EFR3B: variants seen among roughly 807,000 people sequenced by gnomAD.
EFR3B encodes protein EFR3 homolog B.
Under a neutral mutation model 104.7 loss-of-function variants are expected in EFR3B, and 64 were observed. That is an observed-to-expected ratio of 0.61 (90% CI 0.50 to 0.75). The LOEUF (loss-of-function observed/expected upper bound fraction) is 0.75, where lower values mean the gene tolerates loss of function less well. EFR3B is among the 30% of genes least tolerant of loss of function. EFR3B has a pLI of 0.00. For missense variants in EFR3B, 750 were observed against 1,078.5 expected, an observed-to-expected ratio of 0.70 and a Z score of 4.27; for synonymous variants, 385 against 417.9, an observed-to-expected ratio of 0.92 and a Z score of 0.96.
intron 4 of EFR3B, among the ~76,000 whole-genome samples, chr2:25,109,746 G>T (rs545444173): frequency 6.6e-6 from 1 of 152,278 alleles, no homozygotes; most frequent in African/African-American, 2.4e-5. Flanking sequence ...TGCTGAGTGG[G>T]TATAGGGTTT....
chr2:25,075,017 T>C (rs1177174420), intron 1 of EFR3B, among the ~76,000 whole-genome samples: 1 of 152,156 alleles, frequency 6.6e-6, no homozygotes, highest in Non-Finnish European at 1.5e-5. Flanking sequence ...TCACCCAGCC[T>C]CCCCTAGTGT....
At chr2:25,115,971 G>A (rs1237689765) in intron 4 of EFR3B, 1 of 152,214 alleles carries the variant, frequency 6.6e-6, no homozygotes, top group Non-Finnish European at 1.5e-5. Context: ...ACAGAACAAG[G>A]CATGCATTAA....
chr2:25,145,117 C>A, intron 19 of EFR3B, 66 bp downstream of exon 19: 1 of 1,412,890 alleles, frequency 7.1e-7, no homozygotes, highest in South Asian at 1.2e-5. Context: ...GGACTCCAGG[C>A]TCCCCTGCCT....
intron 1 of EFR3B, chr2:25,081,238 T>G (rs1668794351): frequency 9.9e-7 from 1 of 1,014,804 alleles, no homozygotes; most frequent in African/African-American, 1.6e-5. Context: ...GAGAAAACTA[T>G]CTTCACTCCT....
chr2:25,115,253 A>C (rs1227830725), intron 4 of EFR3B, among the ~76,000 whole-genome samples: 1 of 152,210 alleles, frequency 6.6e-6, no homozygotes, highest in East Asian at 1.9e-4. Context: ...GTAGGATGGC[A>C]GTAGGCTGGA....
chr2:25,133,791 T>G (rs1410262293), intron 12 of EFR3B, among the ~76,000 whole-genome samples: 1 of 152,236 alleles, frequency 6.6e-6, no homozygotes, highest in African/African-American at 2.4e-5. Flanking sequence ...CTGTGTCCCC[T>G]GTTTTGCCAG....
intron 21 of EFR3B, 75 bp from the exon 22 acceptor site, chr2:25,153,637 G>A: frequency 6.8e-7 from 1 of 1,474,906 alleles, no homozygotes; most frequent in Non-Finnish European, 9.3e-7. Context: ...CGTATACTCT[G>A]GACACCCTGA....
chr2:25,138,908 C>T (rs1670589216), intron 15 of EFR3B, 151 bp from the exon 16 acceptor site: 1 of 1,126,148 alleles, frequency 8.9e-7, no homozygotes, highest in Admixed American at 2.7e-5. Flanking sequence ...GACTTTTTTC[C>T]CCCAGGAAGG....
chr2:25,128,547 G>A lies in EFR3B; in HGVS notation c.635+215G>A, dbSNP rs754783039. On this transcript the variant is annotated intron_variant, in intron 6 of 22. Transcript: ENST00000403714. ...AGTGTCCCTTAACATGTGCGTTACC[G>A]AAGGAGGACAGTGTTGGTGCTGGGC... Among the ~76,000 whole-genome samples the A allele has an allele frequency of 9.9e-4, 150 of 152,254 alleles. 3 individuals are homozygous for A. Among genetic ancestry groups the A allele is most frequent in the Non-Finnish European group, 1.9e-3 (131 of 68,020 alleles).
intron 1 of EFR3B, among the ~76,000 whole-genome samples, chr2:25,090,469 C>T (rs193074063): frequency 1.3e-5 from 2 of 152,378 alleles, no homozygotes; most frequent in Non-Finnish European, 2.9e-5. Context: ...AGAACCAAAA[C>T]ATGAAGGAGG....
chr2:25,077,999 C>A (rs1004312630), intron 1 of EFR3B, among the ~76,000 whole-genome samples: 13 of 152,166 alleles, frequency 8.5e-5, no homozygotes, highest in Non-Finnish European at 1.8e-4. Context: ...TTCCAGGAAG[C>A]CTTCCTAGAT....
At chr2:25,145,361 A>G (rs1670785957) in intron 19 of EFR3B, 1 of 490,062 alleles carries the variant, frequency 2.0e-6, no homozygotes, top group African/African-American at 1.9e-5. Flanking sequence ...GCTTGAGCCC[A>G]GGAGTTTGAG....
In EFR3B at chr2:25,057,048, G is replaced by A. The variant is rs2149166846; in HGVS notation, c.7+14729G>A. On this transcript the variant is annotated intron_variant, in intron 1 of 22. Coordinates refer to ENST00000403714, the MANE Select transcript of EFR3B (RefSeq NM_014971.2). The stretch of plus-strand genomic sequence containing the variant: ...TCCTGCAGCTGAGGCACCCGGGGCT[G>A]GTGGTACAGCCAGAGTAGGAGTTTT... Among the ~76,000 whole-genome samples the A allele has an allele frequency of 3.9e-5, 6 of 152,314 alleles. No individual in the cohort carries two copies. The South Asian group carries it at 1.2e-3, about 32-fold the overall frequency.
At chr2:25,113,667 CAAAAAA>C (rs199750318) in intron 4 of EFR3B, among the ~76,000 whole-genome samples, 5 of 100,452 alleles carry the variant, frequency 5.0e-5, no homozygotes, top group Admixed American at 1.8e-4. Context: ...GACTCTGTCT[CAAAAAA>C]AAAAAAAAAG....
intron 5 of EFR3B, among the ~76,000 whole-genome samples, chr2:25,122,658 C>T (rs946247705): frequency 1.3e-5 from 2 of 152,092 alleles, no homozygotes; most frequent in African/African-American, 2.4e-5. Flanking sequence ...CTCACTGCAT[C>T]GCCTCTGTCA....
chr2:25,069,847 C>T (rs1024006062), intron 1 of EFR3B, among the ~76,000 whole-genome samples: 3 of 152,162 alleles, frequency 2.0e-5, no homozygotes, highest in African/African-American at 7.2e-5. Context: ...CAGGCATGCG[C>T]CACCACGCCT....
rs13409907 is a variant in EFR3B, at chr2:25,148,262, A to T, written c.2143-1432A>T. On this transcript the variant is annotated intron_variant, in intron 19 of 22. Transcript: ENST00000403714. ...GGGAGGGCCGGTCACTTCTTTTTTT[A>T]AAAAAAAAAAAAACAGAGTCTCCCT... is the stretch of plus-strand genomic sequence containing the variant. Among the ~76,000 whole-genome samples, 824 of 137,758 alleles carry T rather than the reference A, an allele frequency of 6.0e-3. 3 individuals carry two copies. The highest frequency in any genetic ancestry group is 0.036 in the Middle Eastern group (10 of 276). The allele number at this position is 137,758 out of a possible 152,430, so 90.4% of individuals were successfully genotyped here.
At position 25,137,358 on chromosome 2, in the gene EFR3B, C is replaced by T. The variant is rs983704197; in HGVS notation, c.1578C>T (p.Tyr526=). The T allele has an allele frequency of 1.9e-6, 3 of 1,552,176 alleles. No individual in the cohort carries two copies. Among genetic ancestry groups the T allele is most frequent in the Admixed American group, 2.0e-5 (1 of 51,014 alleles). Residue 526 remains tyrosine (Y), a synonymous_variant, in exon 15 of 23, where the codon TAC becomes TAT. Coordinates refer to ENST00000403714, the MANE Select transcript of EFR3B (RefSeq NM_014971.2). This position sits in a 1 kb window ranked among gnomAD's most constrained non-coding sequence, Gnocchi z 4.7. ...VFMKKHSQQL[Y]RHIYLSCKEE... ...GTCCCCAGCACTCCCAGCAGCTCTA[C>T]AGACACATCTACCTGAGCTGCAAGG...
chr2:25,080,607 T>C (rs1199318888), intron 1 of EFR3B: 3 of 544,994 alleles, frequency 5.5e-6, no homozygotes, highest in Non-Finnish European at 9.8e-6. Context: ...GAAGTTTTAT[T>C]ATATCTATTG....
Sources: gnomAD v4.1 joint callset for allele counts (sites outside exome capture counted in the v4.1 genomes callset) on GRCh38, gnomAD v4.1.1 for gene constraint, Gnocchi (gnomAD v3.1) non-coding constraint, MANE v1.5 for transcripts, NCBI Gene and HGNC (gene_info 2026-07-23, HGNC 2026-07-21) for gene names.